The following ANKRD44 variants were observed in gnomAD, a reference collection of about 807,000 sequenced individuals.
ANKRD44 encodes ankyrin repeat domain 44, also known as serine/threonine-protein phosphatase 6 regulatory ankyrin repeat subunit B.
In ANKRD44, 35 loss-of-function variants were observed where a neutral mutation model predicts 116.0. The observed-to-expected ratio is 0.30, with a 90% CI of 0.23 to 0.40. The LOEUF (loss-of-function observed/expected upper bound fraction) is 0.40. Among genes scored for constraint, ANKRD44 ranks in the 10% least tolerant of loss-of-function variants. ANKRD44 has a pLI of 1.00. For synonymous variants in ANKRD44, 435 were observed against 461.8 expected (o/e 0.94, Z 0.74); for missense variants, 1,014 against 1,242.6 (o/e 0.82, Z 2.77).
At chr2:196,993,153 G>GA (rs1035539164) in intron 27 of ANKRD44, among the ~76,000 whole-genome samples, 2 of 151,036 alleles carry the variant, frequency 1.3e-5, no homozygotes, top group Non-Finnish European at 3.0e-5. Context: ...TGTACTTAAA[G>GA]AAAAAAAAAG....
intron 2 of ANKRD44, among the ~76,000 whole-genome samples, chr2:197,186,646 T>C (rs2080677895): frequency 1.1e-5 from 1 of 88,722 alleles, no homozygotes; most frequent in South Asian, 4.1e-4. Flanking sequence ...TTTTTTTTTT[T>C]TAGAGACAGA....
At chr2:197,286,882 CT>C (rs2083422630) in intron 1 of ANKRD44, among the ~76,000 whole-genome samples, 1 of 152,054 alleles carries the variant, frequency 6.6e-6, no homozygotes, top group South Asian at 2.1e-4. Context: ...GTATAACATT[CT>C]GGAAAAGATA....
chr2:197,006,731 T>A (rs73066853), intron 20 of ANKRD44, among the ~76,000 whole-genome samples: 6,192 of 152,256 alleles, frequency 0.041, 396 homozygotes, highest in African/African-American at 0.14. Context: ...TCTCTTCATT[T>A]ATCAGTGTAC....
intron 16 of ANKRD44, among the ~76,000 whole-genome samples, chr2:197,051,157 C>T (rs765989366): frequency 2.6e-5 from 4 of 151,742 alleles, no homozygotes; most frequent in South Asian, 2.1e-4. Context: ...GACGGGGTTT[C>T]GCCGTGTTGC....
intron 1 of ANKRD44, among the ~76,000 whole-genome samples, chr2:197,292,799 C>T (rs1330143498): frequency 1.3e-5 from 2 of 152,160 alleles, no homozygotes; most frequent in Non-Finnish European, 2.9e-5. Context: ...CCCTACTTAG[C>T]AAGATGCTTT....
chr2:197,210,530 C>T (rs1457721561), intron 1 of ANKRD44, among the ~76,000 whole-genome samples: 1 of 152,242 alleles, frequency 6.6e-6, no homozygotes, highest in Non-Finnish European at 1.5e-5. Flanking sequence ...GCATCAAAGA[C>T]ACACTTGGTA....
intron 17 of ANKRD44, among the ~76,000 whole-genome samples, chr2:197,019,798 C>T (rs554649844): frequency 0.016 from 2,337 of 150,272 alleles, 27 homozygotes; most frequent in Non-Finnish European, 0.023. Flanking sequence ...CTTTTTTTTT[C>T]TTTCTTTTTT....
At chr2:197,202,764 G>T (rs1574265670) in intron 1 of ANKRD44, among the ~76,000 whole-genome samples, 1 of 152,158 alleles carries the variant, frequency 6.6e-6, no homozygotes, top group Middle Eastern at 3.4e-3. Flanking sequence ...TTTTTGTAGA[G>T]AGGGGGTCTC....
chr2:197,080,713 C>G (rs1041976951), intron 15 of ANKRD44, among the ~76,000 whole-genome samples: 3 of 152,204 alleles, frequency 2.0e-5, no homozygotes, highest in Non-Finnish European at 4.4e-5. Context: ...GCCACACTCT[C>G]TAACTTCCTT....
chr2:197,068,260 T>A (rs1423298477), intron 16 of ANKRD44, among the ~76,000 whole-genome samples: 4 of 134,934 alleles, frequency 3.0e-5, no homozygotes, highest in Non-Finnish European at 6.4e-5. Context: ...TACCTAATGC[T>A]AGATGACACA....
At position 196,970,954 on chromosome 2, in the gene ANKRD44, C is replaced by T. The variant is rs1043912413; in HGVS notation, c.2369-3508G>A. ...CTGGGCTCAAGTGATCCTCCCGCCT[C>T]GGCCTCCCAAAGTCCTAGGATTACA... On this transcript the variant is annotated intron_variant, in intron 21 of 21. Coordinates refer to the ANKRD44 transcript ENST00000424317. Among the ~76,000 whole-genome samples the T allele has an allele frequency of 5.9e-5, 9 of 152,306 alleles. No individual in the cohort carries two copies. The East Asian group carries it at 1.5e-3, about 26-fold the overall frequency.
intron 1 of ANKRD44, among the ~76,000 whole-genome samples, chr2:197,298,158 CCCATT>C (rs2083778952): frequency 6.6e-6 from 1 of 152,202 alleles, no homozygotes; most frequent in African/African-American, 2.4e-5. Context: ...GGCAGCCAGG[CCCATT>C]AGAATTGAGA....
At chr2:197,260,055 A>C (rs1301612270) in intron 1 of ANKRD44, among the ~76,000 whole-genome samples, 6 of 152,222 alleles carry the variant, frequency 3.9e-5, no homozygotes, top group African/African-American at 1.4e-4. Context: ...TTTCCTAGAA[A>C]CAGAGACCTA....
chr2:197,047,071 T>C (rs551803655), intron 16 of ANKRD44, among the ~76,000 whole-genome samples: 3 of 151,764 alleles, frequency 2.0e-5, no homozygotes, highest in African/African-American at 7.3e-5. Flanking sequence ...CACGCTAGAG[T>C]GCAATGGCGC....
intron 16 of ANKRD44, among the ~76,000 whole-genome samples, chr2:197,067,095 A>T (rs1348161797): frequency 6.6e-6 from 1 of 152,164 alleles, no homozygotes; most frequent in African/African-American, 2.4e-5. Context: ...GATACAGACC[A>T]ATGGAACAGA....
intron 2 of ANKRD44, among the ~76,000 whole-genome samples, chr2:197,177,577 T>C (rs1347200224): frequency 6.6e-6 from 1 of 152,152 alleles, no homozygotes; most frequent in Admixed American, 6.5e-5. Flanking sequence ...TGCTTTCTCG[T>C]GAGTTTGTGT....
At chr2:197,225,438 G>A (rs914758662) in intron 1 of ANKRD44, among the ~76,000 whole-genome samples, 5 of 152,146 alleles carry the variant, frequency 3.3e-5, no homozygotes, top group Non-Finnish European at 7.4e-5. Context: ...CCACCTCCCA[G>A]GTTCAAGGGA....
At chr2:197,026,372 A>G (rs182820387) in intron 16 of ANKRD44, among the ~76,000 whole-genome samples, 9 of 152,328 alleles carry the variant, frequency 5.9e-5, no homozygotes, top group Non-Finnish European at 1.5e-5. Flanking sequence ...TTAGTTTGTA[A>G]CTTTATGTAG....
intron 2 of ANKRD44, among the ~76,000 whole-genome samples, chr2:197,174,564 A>T (rs1189070218): frequency 6.6e-6 from 1 of 152,240 alleles, no homozygotes; most frequent in Non-Finnish European, 1.5e-5. Context: ...TATTGATAAA[A>T]TTAGAGTATA....
Sources: gnomAD v4.1 joint callset for allele counts (sites outside exome capture counted in the v4.1 genomes callset) on GRCh38, gnomAD v4.1.1 for gene constraint, MANE v1.5 for transcripts, NCBI Gene and HGNC (gene_info 2026-07-23, HGNC 2026-07-21) for gene names.